CTBP1: variants seen among roughly 807,000 people sequenced by gnomAD.
CTBP1 encodes C-terminal-binding protein 1.
In CTBP1, 11 loss-of-function variants were observed where a neutral mutation model predicts 42.1. The ratio of observed to expected loss-of-function variants is 0.26; its 90% CI spans 0.16 to 0.43. CTBP1 has a LOEUF of 0.43. CTBP1 is among the 20% of genes least tolerant of loss of function. The probability of loss-of-function intolerance (pLI) is 1.00; values close to 1 mark genes in which losing one functional copy is unlikely to be tolerated. For synonymous variants in CTBP1, 324 were observed against 277.1 expected, an observed-to-expected ratio of 1.17 and a Z score of -1.68; for missense variants, 399 against 624.3, an observed-to-expected ratio of 0.64 and a Z score of 3.85.
chr4:1,243,047 G>A, intron 1 of CTBP1: 2 of 985,352 alleles, frequency 2.0e-6, no homozygotes, highest in Non-Finnish European at 2.4e-6. Flanking sequence ...AATACTCATT[G>A]ATACCGGCTG....
At chr4:1,218,858 A>G (rs1729432433) in intron 5 of CTBP1, among the ~76,000 whole-genome samples, 3 of 152,248 alleles carry the variant, frequency 2.0e-5, no homozygotes, top group Middle Eastern at 3.2e-3. Flanking sequence ...AATATAAAAG[A>G]AGGCCAGAAA....
At chr4:1,221,771 A>G (rs1421575606) in intron 5 of CTBP1, 7 of 432,212 alleles carry the variant, frequency 1.6e-5, no homozygotes, top group Non-Finnish European at 3.2e-5. Flanking sequence ...GTCTGTGTGC[A>G]GGAGCCTGCT....
intron 4 of CTBP1, among the ~76,000 whole-genome samples, chr4:1,225,948 G>A (rs1056696218): frequency 6.6e-6 from 1 of 152,036 alleles, no homozygotes; most frequent in East Asian, 1.9e-4. Context: ...CCTGCTGGGA[G>A]GCTGTGGCCA....
chr4:1,242,695 T>G, intron 1 of CTBP1: 1 of 985,432 alleles, frequency 1.0e-6, no homozygotes, highest in Non-Finnish European at 1.2e-6. Context: ...AGAGCAACAC[T>G]GTGGAGCGGG....
At chr4:1,247,311 TC>T (rs1386776978) in intron 1 of CTBP1, among the ~76,000 whole-genome samples, 1 of 152,062 alleles carries the variant, frequency 6.6e-6, no homozygotes, top group Non-Finnish European at 1.5e-5. Flanking sequence ...TGCGTGTCCC[TC>T]CCAGAGCTCT....
chr4:1,226,284 C>T (rs992201313), intron 4 of CTBP1, among the ~76,000 whole-genome samples: 6 of 152,244 alleles, frequency 3.9e-5, no homozygotes, highest in African/African-American at 9.6e-5. Flanking sequence ...CGCCCCTGCA[C>T]GGCACTTCCC....
At chr4:1,228,406 G>A (rs893081320) in intron 3 of CTBP1, 63 bp from the exon 4 acceptor site, 3 of 1,568,560 alleles carry the variant, frequency 1.9e-6, no homozygotes, top group Admixed American at 3.6e-5. Flanking sequence ...TGGCCTTCGG[G>A]GGTGGGGCTG....
chr4:1,226,709 T>C (rs1470017668), intron 4 of CTBP1, among the ~76,000 whole-genome samples: 3 of 151,364 alleles, frequency 2.0e-5, no homozygotes, highest in Non-Finnish European at 2.9e-5. Context: ...GCACCAGGCA[T>C]GCACCCGACA....
At position 1,238,425 on chromosome 4, in the gene CTBP1, A is replaced by T; in HGVS notation, c.8-88T>A. 1 of 1,440,514 alleles carries T rather than the reference A, an allele frequency of 6.9e-7. No individual in the cohort carries two copies. Among genetic ancestry groups the T allele is most frequent in the Non-Finnish European group, 9.2e-7 (1 of 1,084,512 alleles). The allele number at this position is 1,440,514 out of a possible 1,614,324, so 89.2% of individuals were successfully genotyped here. On this transcript the variant is annotated intron_variant, in intron 2 of 9. Transcript: ENST00000382952. The surrounding 1 kb of genome is among the most constrained non-coding windows in gnomAD (Gnocchi z 5.9). The stretch of plus-strand genomic sequence containing the variant: ...CACGCCACCCACTGTGCACGGGCCA[A>T]CGAGGGCCGACCGCCGGGGGTTTTC...
chr4:1,222,384 T>TC (rs1386443786), intron 5 of CTBP1, among the ~76,000 whole-genome samples: 2 of 151,996 alleles, frequency 1.3e-5, no homozygotes, highest in African/African-American at 4.8e-5. Context: ...CTGGCCTGGT[T>TC]CATCACAAGA....
chr4:1,234,413 C>T (rs1333892201), intron 3 of CTBP1, among the ~76,000 whole-genome samples: 1 of 152,224 alleles, frequency 6.6e-6, no homozygotes, highest in East Asian at 1.9e-4. Flanking sequence ...CCAACACTCT[C>T]GTCTCTTCCA....
At chr4:1,214,174 C>T (rs751521399) in intron 7 of CTBP1, 169 bp downstream of exon 7, 10 of 855,662 alleles carry the variant, frequency 1.2e-5, no homozygotes, top group Non-Finnish European at 1.7e-5. Flanking sequence ...GCCTAGAGCC[C>T]GTGGCTCCAT....
At chr4:1,215,042 G>A (rs1728962868) in intron 6 of CTBP1, among the ~76,000 whole-genome samples, 1 of 152,200 alleles carries the variant, frequency 6.6e-6, no homozygotes, top group South Asian at 2.1e-4. Context: ...TTCATTCCAA[G>A]AAGTCCACCC....
intron 1 of CTBP1, chr4:1,245,250 G>C: frequency 2.0e-6 from 2 of 985,446 alleles, no homozygotes; most frequent in South Asian, 9.4e-5. Flanking sequence ...CAGCGCAGGG[G>C]CTGTGATCAA....
At chr4:1,242,725 G>C (rs1410670632) in intron 1 of CTBP1, 5 of 985,078 alleles carry the variant, frequency 5.1e-6, no homozygotes, top group Admixed American at 1.2e-4. Context: ...ACCTGCGCCT[G>C]AGCCCCCATG....
At chr4:1,221,695 A>T in intron 5 of CTBP1, 1 of 323,948 alleles carries the variant, frequency 3.1e-6, no homozygotes, top group South Asian at 2.3e-5. Context: ...TGCTCTAGGA[A>T]GCGGGACCCG....
Position 1,222,030 on chromosome 4 carries a change from A to G in CTBP1, c.514+3330T>C, listed in dbSNP as rs568265714. Among the ~76,000 whole-genome samples the G allele has an allele frequency of 2.0e-5, 3 of 152,300 alleles. No individual in the cohort carries two copies. The South Asian group carries it at 6.2e-4, about 32-fold the overall frequency. On this transcript the variant is annotated intron_variant, in intron 5 of 9. Transcript: ENST00000382952. ...CCAGGGCTTCCACATTCCTGTAGCC[A>G]CCACACACGCGGATTCCACGCTAAG...
intron 1 of CTBP1, 110 bp from the exon 2 acceptor site, chr4:1,241,629 G>T: frequency 7.1e-7 from 1 of 1,406,626 alleles, no homozygotes; most frequent in Non-Finnish European, 9.4e-7. Flanking sequence ...TGCCACACCC[G>T]GGACTGCTGT....
intron 3 of CTBP1, among the ~76,000 whole-genome samples, chr4:1,229,083 C>T (rs1045266987): frequency 3.9e-5 from 6 of 152,344 alleles, no homozygotes; most frequent in Admixed American, 6.5e-5. Context: ...CCAACCCTGG[C>T]GCCTCCACTC....
Sources: gnomAD v4.1 joint callset for allele counts (sites outside exome capture counted in the v4.1 genomes callset) on GRCh38, gnomAD v4.1.1 for gene constraint, Gnocchi (gnomAD v3.1) non-coding constraint, MANE v1.5 for transcripts, NCBI Gene and HGNC (gene_info 2026-07-23, HGNC 2026-07-21) for gene names.